ZNF687: variants seen among roughly 807,000 people sequenced by gnomAD.
The protein encoded by ZNF687 is zinc finger protein 687.
Under a neutral mutation model 71.8 loss-of-function variants are expected in ZNF687, and 13 were observed. That is an observed-to-expected ratio of 0.18 (90% CI 0.12 to 0.29). The LOEUF (loss-of-function observed/expected upper bound fraction) is 0.29. Ranked by LOEUF, ZNF687 falls within the 10% of genes least tolerant of loss-of-function variation. ZNF687 has a pLI of 1.00. For missense variants in ZNF687, 1,412 were observed against 1,625.6 expected (o/e 0.87, Z 2.26); for synonymous variants, 673 against 641.6 (o/e 1.05, Z -0.74).
At position 151,287,046 on chromosome 1, in the gene ZNF687, C is replaced by T; in HGVS notation, c.755C>T (p.Ala252Val). 2 of 1,609,378 alleles carry T rather than the reference C, an allele frequency of 1.2e-6. No individual in the cohort carries two copies. Among genetic ancestry groups the T allele is most frequent in the Non-Finnish European group, 1.7e-6 (2 of 1,176,732 alleles). ...SPKATDIPAS[A>V]SPPPVAGVPF... ...AAGGCCACGGACATCCCTGCCAGTG[C>T]CTCGCCTCCCCCAGTTGCTGGGGTG... Residue 252 changes from alanine (A) to valine (V), a missense_variant, in exon 2 of 9, where the codon GCC becomes GTC. Ala to Val is a moderately conservative substitution (Grantham distance 64). This residue lies in a region of ZNF687 where 490 missense variants were observed against 489.9 expected (regional missense o/e 1.00). Coordinates refer to ENST00000336715, the MANE Select transcript of ZNF687 (RefSeq NM_020832.3). This position sits in a 1 kb window ranked among gnomAD's most constrained non-coding sequence, Gnocchi z 5.0.
Position 151,288,073 on chromosome 1 carries a change from C to T in ZNF687, c.1782C>T (p.Cys594=). 1 of 1,614,040 alleles carries T rather than the reference C, an allele frequency of 6.2e-7. No individual in the cohort carries two copies. The highest frequency in any genetic ancestry group is 8.5e-7 in the Non-Finnish European group (1 of 1,180,034). The change falls in exon 2 of 9, where the codon TGC becomes TGT. Residue 594 remains cysteine (C), a synonymous_variant. Coordinates refer to ENST00000336715, the MANE Select transcript of ZNF687 (RefSeq NM_020832.3). ...AGGACAAGGGGCTCGTCATGCAGTG[C>T]TCACATTTGGTCATGAGGCCTGTAG... ...EHKDKGLVMQ[C]SHLVMRPVAL... is the part of the protein sequence containing the mutation.
At chr1:151,289,328 G>C (rs749243113) in intron 4 of ZNF687, 50 bp from the exon 5 acceptor site, 2 of 1,613,130 alleles carry the variant, frequency 1.2e-6, no homozygotes, top group Non-Finnish European at 1.7e-6. Flanking sequence ...GCGCAGGAGG[G>C]GAGGGGCTGC....
Position 151,287,050 on chromosome 1 carries a change from G to A in ZNF687, c.759G>A (p.Ser253=), listed in dbSNP as rs772061958. The A allele has an allele frequency of 2.5e-6, 4 of 1,609,454 alleles. No individual in the cohort carries two copies. In the Admixed American group the frequency reaches 5.0e-5, roughly 20 times the overall value. The stretch of plus-strand genomic sequence containing the variant: ...CCACGGACATCCCTGCCAGTGCCTC[G>A]CCTCCCCCAGTTGCTGGGGTGCCCT... ...PKATDIPASA[S]PPPVAGVPFF... is the part of the protein sequence containing the mutation. The change falls in exon 2 of 9, where the codon TCG becomes TCA. Residue 253 remains serine (S), a synonymous_variant. Coordinates refer to ENST00000336715, the MANE Select transcript of ZNF687 (RefSeq NM_020832.3). The surrounding 1 kb of genome is among the most constrained non-coding windows in gnomAD (Gnocchi z 5.0).
intron 1 of ZNF687, 148 bp from the exon 2 acceptor site, chr1:151,286,119 AGCAGCTCT>A (rs2101868074): frequency 1.8e-6 from 1 of 541,218 alleles, no homozygotes; most frequent in East Asian, 3.2e-5. Flanking sequence ...TGGCAAACCT[AGCAGCTCT>A]GTAGGATTCA....
In ZNF687 at chr1:151,287,724, C is replaced by A. The variant is rs948573496; in HGVS notation, c.1433C>A (p.Thr478Lys). 1 of 1,613,734 alleles carries A rather than the reference C, an allele frequency of 6.2e-7. No individual in the cohort carries two copies. The highest frequency in any genetic ancestry group is 8.5e-7 in the Non-Finnish European group (1 of 1,179,842). The change falls in exon 2 of 9, where the codon ACA (threonine) becomes AAA (lysine). Residue 478 changes from threonine to lysine, a missense_variant. Coordinates refer to ENST00000336715, the MANE Select transcript of ZNF687 (RefSeq NM_020832.3). This position sits in a 1 kb window ranked among gnomAD's most constrained non-coding sequence, Gnocchi z 5.0. ...ASVVMVQPSK[T>K]ATGPSTGGGT... ...GTGGTGATGGTGCAACCTTCAAAGA[C>A]AGCTACTGGGCCAAGTACAGGGGGC...
rs1475660189 is a variant in ZNF687 at position 151,287,908 on chromosome 1, G to A, written c.1617G>A (p.Gly539=). 6.2e-7 allele frequency: 1 copy of A among 1,613,918 alleles called. No homozygotes were observed. The highest frequency in any genetic ancestry group is 1.7e-5 in the Admixed American group (1 of 60,034). Residue 539 remains glycine (G), a synonymous_variant, in exon 2 of 9, where the codon GGG becomes GGA. Transcript: ENST00000336715. The surrounding 1 kb of genome is among the most constrained non-coding windows in gnomAD (Gnocchi z 5.0). ...PPTGYRCLEC[G]DAFSLEKSLA... ...CCGGCTACCGCTGCCTGGAGTGTGG[G>A]GATGCCTTCTCATTGGAGAAGAGCC...
In ZNF687 at chr1:151,289,809, G is replaced by A. The variant is rs771439894; in HGVS notation, c.2766G>A (p.Ser922=). The stretch of plus-strand genomic sequence containing the variant: ...GGGCAGCCCCTGCTACTGAGGAGTC[G>A]TCTTCATCTTCAGAAGAGGAGGAAG... ...QGGAAPATEE[S]SSSSEEEEVP... The change falls in exon 6 of 9, where the codon TCG becomes TCA. Residue 922 remains serine (S), a synonymous_variant. Transcript: ENST00000336715. 18 of 1,567,068 alleles carry A rather than the reference G, an allele frequency of 1.1e-5. No homozygotes were observed. The highest frequency in any genetic ancestry group is 3.5e-5 in the South Asian group (3 of 85,660).
upstream of ZNF687, chr1:151,281,539 C>G (rs1462837524): frequency 2.1e-6 from 1 of 471,094 alleles, no homozygotes; most frequent in Non-Finnish European, 4.4e-6. Flanking sequence ...GAGCCCTTCC[C>G]AACCTTTAGG....
At chr1:151,289,610 G>C (rs1694112446) in intron 5 of ZNF687, 68 bp from the exon 6 acceptor site, 2 of 1,607,598 alleles carry the variant, frequency 1.2e-6, no homozygotes, top group African/African-American at 1.3e-5. Flanking sequence ...ACATACTTCA[G>C]AAGTGGGGGG....
At position 151,291,008 on chromosome 1, in the gene ZNF687, G is replaced by A. The variant is rs750891184; in HGVS notation, c.3513G>A (p.Gly1171=). 2 of 1,614,006 alleles carry A rather than the reference G, an allele frequency of 1.2e-6. No individual in the cohort carries two copies. The highest frequency in any genetic ancestry group is 4.5e-5 in the East Asian group (2 of 44,878). Residue 1171 remains glycine, a synonymous_variant, in exon 9 of 9, where the codon GGG becomes GGA. Transcript: ENST00000336715. ...RRGVGKASAL[G]LGDGEEEAPP... is the part of the protein sequence containing the mutation. Reference sequence around the variant, plus strand: ...GTGTGGGTAAAGCCAGTGCCCTGGGGCTGGGGGATGGGGAGGAAGAGGCCC... The same window carrying A: ...GTGTGGGTAAAGCCAGTGCCCTGGGACTGGGGGATGGGGAGGAAGAGGCCC...
intron 3 of ZNF687, 141 bp downstream of exon 3, chr1:151,288,847 C>G: frequency 1.8e-6 from 2 of 1,139,716 alleles, no homozygotes; most frequent in Non-Finnish European, 2.5e-6. Flanking sequence ...TGAGATAGTA[C>G]GTCCTGCCTT....
chr1:151,283,185 C>A (rs1038973782), intron 1 of ZNF687: 2 of 985,464 alleles, frequency 2.0e-6, no homozygotes, highest in Non-Finnish European at 2.4e-6. Flanking sequence ...CCTCGAAACC[C>A]AGGACTTGCT....
chr1:151,291,368 T>C lies in ZNF687; in HGVS notation c.*159T>C. The C allele has an allele frequency of 5.8e-6, 6 of 1,039,236 alleles. No individual in the cohort carries two copies. Among genetic ancestry groups the C allele is most frequent in the Non-Finnish European group, 8.1e-6 (6 of 741,030 alleles). The allele number at this position is 1,039,236 out of a possible 1,614,324, so 64.4% of individuals were successfully genotyped here. On this transcript the variant is annotated 3_prime_UTR_variant, in exon 9 of 9. Transcript: ENST00000336715. Reference sequence around the variant, plus strand: ...AAGAGCATTTGAGGATTATTCTAGTTATTTGCAACCTCCCTTTGGGTTTGG... The same window carrying C: ...AAGAGCATTTGAGGATTATTCTAGTCATTTGCAACCTCCCTTTGGGTTTGG...
intron 3 of ZNF687, 127 bp from the exon 4 acceptor site, chr1:151,288,968 C>A: frequency 1.8e-6 from 2 of 1,117,822 alleles, no homozygotes; most frequent in Non-Finnish European, 2.5e-6. Flanking sequence ...CTTTCTCCAC[C>A]CTGCTCATGC....
In ZNF687 at chr1:151,289,795, GCTA is replaced by G; in HGVS notation, c.2755_2757del (p.Thr919del). The G allele has an allele frequency of 6.4e-7, 1 of 1,564,426 alleles. No individual in the cohort carries two copies. The highest frequency in any genetic ancestry group is 1.2e-5 in the South Asian group (1 of 85,428). On this transcript the variant is annotated inframe_deletion, in exon 6 of 9. Transcript: ENST00000336715. ...TGTTTCTCAGGGAGGGGCAGCCCCT[GCTA>G]CTGAGGAGTCGTCTTCATCTTCAGA...
At chr1:151,288,945 C>G in intron 3 of ZNF687, 150 bp from the exon 4 acceptor site, 1 of 1,007,808 alleles carries the variant, frequency 9.9e-7, no homozygotes, top group South Asian at 1.6e-5. Context: ...GGCACAGCCT[C>G]TGCACCTCTC....
In ZNF687 at chr1:151,289,220, C is replaced by T; in HGVS notation, c.2420C>T (p.Ala807Val). The change falls in exon 4 of 9, where the codon GCC becomes GTC. Residue 807 changes from alanine to valine, a missense_variant. This residue lies in a region of ZNF687 where 106 missense variants were observed against 146.0 expected (regional missense o/e 0.73). Transcript: ENST00000336715. ...ATGGCCTTCAAGTCTGGGCCAAGTGCCCATGCCCACCTCTACTCCCAGCAT... is the reference window on the plus strand; with the variant it reads ...ATGGCCTTCAAGTCTGGGCCAAGTGTCCATGCCCACCTCTACTCCCAGCAT... ...CPMAFKSGPS[A>V]HAHLYSQHPS... 6.2e-7 allele frequency: 1 copy of T among 1,614,142 alleles called. No individual in the cohort carries two copies. Among genetic ancestry groups the T allele is most frequent in the Non-Finnish European group, 8.5e-7 (1 of 1,180,040 alleles).
chr1:151,282,913 A>C (rs906049846), intron 1 of ZNF687, among the ~76,000 whole-genome samples: 2 of 152,098 alleles, frequency 1.3e-5, no homozygotes, highest in Non-Finnish European at 1.5e-5. Context: ...CTGCGCCCGG[A>C]GGGGAGGGGA....
chr1:151,290,001 T>C lies in ZNF687; in HGVS notation c.2958T>C (p.His986=). 6.3e-7 allele frequency: 1 copy of C among 1,584,950 alleles called. No individual in the cohort carries two copies. The highest frequency in any genetic ancestry group is 8.6e-7 in the Non-Finnish European group (1 of 1,163,142). ...DEYVAHMKKE[H]GKSVKKFPCR... ...ACGTGGCCCACATGAAGAAGGAGCA[T>C]GGCAAGGTGAGTGGGCCCCAAGGGG... The change falls in exon 6 of 9, where the codon CAT becomes CAC. Residue 986 remains histidine, a synonymous_variant. Transcript: ENST00000336715.
Sources: gnomAD v4.1 joint callset for allele counts (sites outside exome capture counted in the v4.1 genomes callset) on GRCh38, gnomAD v4.1.1 for gene constraint, gnomAD v4.1.1 regional missense constraint, Gnocchi (gnomAD v3.1) non-coding constraint, MANE v1.5 for transcripts, NCBI Gene and HGNC (gene_info 2026-07-23, HGNC 2026-07-21) for gene names.